The following COMMD8 variants were observed in gnomAD, a reference collection of about 807,000 sequenced individuals.
COMMD8 encodes COMM domain containing 8.
A neutral mutation model predicts 27.2 loss-of-function variants in COMMD8; 28 were observed. That is an observed-to-expected ratio of 1.03 (90% CI 0.76 to 1.41). The LOEUF is 1.41. COMMD8 is among the 40% of genes most tolerant of loss of function. COMMD8 has a pLI of 0.00. For missense variants in COMMD8, 217 were observed against 211.2 expected (o/e 1.03, Z -0.17); for synonymous variants, 79 against 75.5 (o/e 1.05, Z -0.24).
chr4:47,460,705 T>TA (rs1730002539), intron 1 of COMMD8, among the ~76,000 whole-genome samples: 1 of 152,110 alleles, frequency 6.6e-6, no homozygotes, highest in South Asian at 2.1e-4. Flanking sequence ...AGGGTCTCAC[T>TA]ATGTTGCCCA....
chr4:47,461,539 C>CA (rs938380516), intron 1 of COMMD8, among the ~76,000 whole-genome samples: 4 of 151,822 alleles, frequency 2.6e-5, no homozygotes, highest in Admixed American at 1.3e-4. Context: ...ACCCAGAACT[C>CA]AAACTGAAAA....
intron 3 of COMMD8, among the ~76,000 whole-genome samples, chr4:47,454,709 T>A (rs1002530793): frequency 6.6e-6 from 1 of 151,230 alleles, no homozygotes; most frequent in Non-Finnish European, 1.5e-5. Context: ...CTATTAAAAA[T>A]ACAAAATTAG....
rs1246753557 is a variant in COMMD8, at chr4:47,453,129, T to G, written c.461A>C (p.Lys154Thr). 1.2e-6 allele frequency: 2 copies of G among 1,613,772 alleles called. No homozygotes were observed. The highest frequency in any genetic ancestry group is 2.7e-5 in the African/African-American group (2 of 75,044). ...TCTACTCATTTCAATAGAATAAGGT[T>G]TTACTTCACCATTTTCTTTTACATC... ...HLDVKENGEV[K>T]PYSIEMSREE... Residue 154 changes from lysine to threonine, a missense_variant, in exon 4 of 5, where the codon AAA becomes ACA. By Grantham distance (78) the Lys-to-Thr change is moderately conservative (BLOSUM62 -1). Coordinates refer to ENST00000381571, the MANE Select transcript of COMMD8 (RefSeq NM_017845.5).
Position 47,453,157 on chromosome 4 carries a change from G to C in COMMD8, c.433C>G (p.Leu145Val). ...ALRMPLLSLH[L>V]DVKENGEVKP... ...ACTTCACCATTTTCTTTTACATCTA[G>C]ATGCAGGCTTAAAAGTGGCATTCGT... Residue 145 changes from leucine to valine, a missense_variant, in exon 4 of 5, where the codon CTA becomes GTA. Coordinates refer to ENST00000381571, the MANE Select transcript of COMMD8 (RefSeq NM_017845.5). The C allele has an allele frequency of 6.2e-7, 1 of 1,613,886 alleles. No individual in the cohort carries two copies. The highest frequency in any genetic ancestry group is 8.5e-7 in the Non-Finnish European group (1 of 1,179,850).
intron 1 of COMMD8, among the ~76,000 whole-genome samples, chr4:47,460,738 T>C (rs1335961978): frequency 1.3e-5 from 2 of 152,118 alleles, no homozygotes; most frequent in Non-Finnish European, 2.9e-5. Flanking sequence ...ACTCCTGAAC[T>C]CAAGCAATTT....
rs1578171269 is a variant in COMMD8 at position 47,451,634 on chromosome 4, A to G, written c.*11T>C. On this transcript the variant is annotated 3_prime_UTR_variant, in exon 5 of 5. Coordinates refer to ENST00000381571, the MANE Select transcript of COMMD8 (RefSeq NM_017845.5). ...ATAAAATCTGATAGGACTGGTATTC[A>G]TCATTTCCAGTTATTTCAACTGCAG... The G allele has an allele frequency of 6.3e-7, 1 of 1,587,476 alleles. No homozygotes were observed. Among genetic ancestry groups the G allele is most frequent in the African/African-American group, 1.4e-5 (1 of 72,634 alleles).
intron 1 of COMMD8, among the ~76,000 whole-genome samples, chr4:47,461,775 A>G (rs1480363652): frequency 6.6e-6 from 1 of 152,154 alleles, no homozygotes; most frequent in Non-Finnish European, 1.5e-5. Flanking sequence ...TGAAGTAACC[A>G]TTGTTATTAT....
chr4:47,456,776 A>C (rs763612189), intron 2 of COMMD8, 47 bp from the exon 3 acceptor site: 1 of 1,436,924 alleles, frequency 7.0e-7, no homozygotes, highest in South Asian at 1.3e-5. Context: ...TTAAAATGTA[A>C]AAACACAATT....
chr4:47,461,883 T>G (rs1331355348), intron 1 of COMMD8, among the ~76,000 whole-genome samples: 1 of 152,160 alleles, frequency 6.6e-6, no homozygotes, highest in Non-Finnish European at 1.5e-5. Flanking sequence ...TACATGTAAT[T>G]TAGAATGATG....
chr4:47,457,376 T>G (rs1215178958), intron 2 of COMMD8, among the ~76,000 whole-genome samples: 1 of 151,870 alleles, frequency 6.6e-6, no homozygotes, highest in Admixed American at 6.6e-5. Context: ...CTAAAAGAAA[T>G]GAATAAATCC....
chr4:47,461,658 A>G (rs903885834), intron 1 of COMMD8, among the ~76,000 whole-genome samples: 1 of 152,236 alleles, frequency 6.6e-6, no homozygotes, highest in Admixed American at 6.5e-5. Context: ...TTATTTAATG[A>G]CAAAGGTCAT....
chr4:47,459,808 G>C (rs1282845998), intron 2 of COMMD8: 2 of 178,686 alleles, frequency 1.1e-5, no homozygotes, highest in East Asian at 1.6e-4. Context: ...CCAGGAGGGG[G>C]ATAAGGGAAT....
At chr4:47,452,794 G>A (rs1349716808) in intron 4 of COMMD8, among the ~76,000 whole-genome samples, 1 of 152,126 alleles carries the variant, frequency 6.6e-6, no homozygotes, top group Non-Finnish European at 1.5e-5. Flanking sequence ...TCAAGAGTTT[G>A]AGACCAGCCT....
Position 47,453,181 on chromosome 4 carries a change from G to A in COMMD8, c.409C>T (p.Arg137Ter), listed in dbSNP as rs769950448. The A allele has an allele frequency of 7.4e-6, 12 of 1,613,762 alleles. No individual in the cohort carries two copies. Among genetic ancestry groups the A allele is most frequent in the African/African-American group, 1.3e-5 (1 of 74,950 alleles). The change falls in exon 4 of 5, where the codon CGA becomes TGA. Residue 137 changes from arginine to a stop codon, truncating the protein, a stop_gained. Coordinates refer to ENST00000381571, the MANE Select transcript of COMMD8 (RefSeq NM_017845.5). LOFTEE classifies it high-confidence loss of function. ...ALSSDKIAAL[R>*]MPLLSLHLDV... Reference sequence around the variant, plus strand: ...AGATGCAGGCTTAAAAGTGGCATTCGTAATGCAGCAATCTTGTCACTGGAA... The same window carrying A: ...AGATGCAGGCTTAAAAGTGGCATTCATAATGCAGCAATCTTGTCACTGGAA...
intron 3 of COMMD8, among the ~76,000 whole-genome samples, chr4:47,454,121 T>G (rs764303158): frequency 6.6e-6 from 1 of 152,212 alleles, no homozygotes; most frequent in African/African-American, 2.4e-5. Context: ...ATATTTCCAA[T>G]AAATAGTTTT....
At chr4:47,458,568 T>C (rs1279277666) in intron 2 of COMMD8, among the ~76,000 whole-genome samples, 2 of 152,128 alleles carry the variant, frequency 1.3e-5, no homozygotes, top group African/African-American at 2.4e-5. Flanking sequence ...GGCTATCCCA[T>C]GTTCTTAACT....
rs1464581317 is a variant in COMMD8, at chr4:47,463,598, C to A, written c.54G>T (p.Glu18Asp). 2 of 1,546,204 alleles carry A rather than the reference C, an allele frequency of 1.3e-6. No homozygotes were observed. The highest frequency in any genetic ancestry group is 2.0e-5 in the Admixed American group (1 of 50,864). The change falls in exon 1 of 5, where the codon GAG (glutamate) becomes GAT (aspartate). Residue 18 changes from glutamate to aspartate, a missense_variant. Transcript: ENST00000381571. ...PLWRLQKLPA[E>D]LGPQLLHKII... is the part of the protein sequence containing the mutation. ...TACCCGCCCTCACCTGCGGGCCCAG[C>A]TCGGCCGGCAGCTTCTGCAGCCGCC...
chr4:47,460,401 C>T (rs1017913851), intron 1 of COMMD8, 102 bp from the exon 2 acceptor site: 5 of 909,748 alleles, frequency 5.5e-6, no homozygotes, highest in Non-Finnish European at 8.4e-6. Flanking sequence ...ATGTTATCTG[C>T]AAGACCAGCT....
intron 3 of COMMD8, 78 bp downstream of exon 3, chr4:47,456,499 T>C (rs1729893752): frequency 4.0e-6 from 4 of 998,414 alleles, no homozygotes; most frequent in Non-Finnish European, 5.6e-6. Context: ...TAACAAATTT[T>C]ATATATATGA....
Sources: allele counts gnomAD v4.1 joint callset (sites outside exome capture counted in the v4.1 genomes callset), GRCh38; gene constraint gnomAD v4.1.1; transcripts MANE v1.5; gene names NCBI Gene and HGNC (gene_info 2026-07-23, HGNC 2026-07-21).